Variants in FSIP2 observed in about 807,000 individuals in gnomAD.
FSIP2 encodes the protein fibrous sheath-interacting protein 2.
In FSIP2, 367 loss-of-function variants were observed where a neutral mutation model predicts 510.5. The observed-to-expected ratio is 0.72, with a 90% confidence interval of 0.66 to 0.78. The LOEUF (loss-of-function observed/expected upper bound fraction) is 0.78, where lower values mean the gene tolerates loss of function less well. FSIP2 is among the 30% of genes least tolerant of loss of function. The probability of loss-of-function intolerance (pLI) is 0.00; values close to 1 mark genes in which losing one functional copy is unlikely to be tolerated. For missense variants in FSIP2, 7,594 were observed against 7,901.7 expected (o/e 0.96, Z 1.48); for synonymous variants, 2,601 against 2,732.2 (o/e 0.95, Z 1.50).
rs2105650128 is a variant in FSIP2, at chr2:185,805,893, T to G, written c.16587T>G (p.Thr5529=). The G allele has an allele frequency of 6.2e-7, 1 of 1,607,520 alleles. No individual in the cohort carries two copies. The highest frequency in any genetic ancestry group is 2.2e-5 in the East Asian group (1 of 44,752). ...ATGAAAATAAAGTGGGAATTTGTAC[T>G]CAAAAACATAGTGAGAATGTATCAA... ...EVDENKVGIC[T]QKHSENVSKV... The change falls in exon 17 of 23, where the codon ACT becomes ACG. Residue 5529 remains threonine, a synonymous_variant. Coordinates refer to ENST00000424728, the MANE Select transcript of FSIP2 (RefSeq NM_173651.4).
intron 13 of FSIP2, 79 bp downstream of exon 13, chr2:185,764,644 C>T (rs1692426756): frequency 2.0e-6 from 2 of 1,022,896 alleles, no homozygotes; most frequent in Non-Finnish European, 1.4e-6. Flanking sequence ...GTTTTTGCTT[C>T]ATGTTAGATA....
chr2:185,749,924 T>C (rs1388528851), intron 7 of FSIP2, among the ~76,000 whole-genome samples: 3 of 151,898 alleles, frequency 2.0e-5, no homozygotes, highest in Non-Finnish European at 2.9e-5. Context: ...TGAATTCATA[T>C]GTAGGTTTTC....
In FSIP2 at chr2:185,789,429, A is replaced by G; in HGVS notation, c.2293A>G (p.Lys765Glu). The G allele has an allele frequency of 6.5e-7, 1 of 1,534,884 alleles. No individual in the cohort carries two copies. The highest frequency in any genetic ancestry group is 8.7e-7 in the Non-Finnish European group (1 of 1,145,920). ...ASEIVENMLE[K>E]LESAVEKKCV... is the part of the protein sequence containing the mutation. ...TGAGATTGTGGAAAATATGCTTGAG[A>G]AGTTAGAGTCTGCAGTTGAGAAAAA... Residue 765 changes from lysine (K) to glutamate (E), a missense_variant, in exon 16 of 23, where the codon AAG becomes GAG. Coordinates refer to ENST00000424728, the MANE Select transcript of FSIP2 (RefSeq NM_173651.4).
intron 13 of FSIP2, among the ~76,000 whole-genome samples, chr2:185,778,408 A>G (rs1460969372): frequency 6.6e-6 from 1 of 152,082 alleles, no homozygotes; most frequent in Non-Finnish European, 1.5e-5. Context: ...ATATGTATGA[A>G]AATATAAAAT....
At chr2:185,776,935 G>A (rs1692737611) in intron 13 of FSIP2, among the ~76,000 whole-genome samples, 1 of 152,042 alleles carries the variant, frequency 6.6e-6, no homozygotes, top group Non-Finnish European at 1.5e-5. Flanking sequence ...TGTTGGTCAG[G>A]CTGGTCTCGG....
chr2:185,805,364 A>G lies in FSIP2; in HGVS notation c.16058A>G (p.Asn5353Ser), dbSNP rs1693540365. The G allele has an allele frequency of 1.9e-6, 3 of 1,596,972 alleles. No homozygotes were observed. The highest frequency in any genetic ancestry group is 2.2e-5 in the East Asian group (1 of 44,692). The change falls in exon 17 of 23, where the codon AAT becomes AGT. Residue 5353 changes from asparagine (N) to serine (S), a missense_variant. Asn to Ser is a conservative substitution (Grantham distance 46, BLOSUM62 1). Transcript: ENST00000424728. Reference sequence around the variant, plus strand: ...AAAGAGACAGTTGATAAAATATCCAATTTTGTATATGAACAGTTCATAGAA... The same window carrying G: ...AAAGAGACAGTTGATAAAATATCCAGTTTTGTATATGAACAGTTCATAGAA... ...IDKETVDKIS[N>S]FVYEQFIEKC... is the part of the protein sequence containing the mutation.
intron 7 of FSIP2, among the ~76,000 whole-genome samples, chr2:185,749,356 C>T (rs4667052): frequency 0.13 from 19,701 of 151,822 alleles, 1,703 homozygotes; most frequent in East Asian, 0.37. Flanking sequence ...GTGTACTGTT[C>T]TTATATATCT....
chr2:185,811,769 G>A lies in FSIP2; in HGVS notation c.19828-1776G>A, dbSNP rs945670255. ...GAATAACATTCCTCACATTCCCACC[G>A]CAACTTTTCTAGCTGTGGCTCAAAG... On this transcript the variant is annotated intron_variant, in intron 17 of 22. Coordinates refer to ENST00000424728, the MANE Select transcript of FSIP2 (RefSeq NM_173651.4). 2.0e-5 allele frequency among the ~76,000 whole-genome samples: 3 copies of A among 152,020 alleles called. No homozygotes were observed. The South Asian group carries it at 6.2e-4, about 31-fold the overall frequency.
chr2:185,753,761 C>CA lies in FSIP2; in HGVS notation c.916dup (p.Met306AsnfsTer7), dbSNP rs752330015. The CA allele has an allele frequency of 2.9e-6, 4 of 1,398,740 alleles. No homozygotes were observed. Among genetic ancestry groups the CA allele is most frequent in the South Asian group, 2.7e-5 (2 of 73,698 alleles). 86.6% of individuals were successfully genotyped at this position (1,398,740 alleles called of 1,614,324 possible). Reference sequence around the variant, plus strand: ...AGAGAAAAAAATGGCTTATCATTTACAAAAAATGCAAGATACTGGCTTTAA... The same window carrying CA: ...AGAGAAAAAAATGGCTTATCATTTACAAAAAAATGCAAGATACTGGCTTTAA... On this transcript the variant is annotated frameshift_variant, in exon 8 of 23. Transcript: ENST00000424728. LOFTEE classifies it high-confidence loss of function.
At chr2:185,833,020 C>T in intron 22 of FSIP2, 70 bp from the exon 23 acceptor site, 1 of 1,421,070 alleles carries the variant, frequency 7.0e-7, no homozygotes. Context: ...CTCATATGAC[C>T]TTAGGCAAGG....
chr2:185,831,936 T>G, intron 22 of FSIP2, 54 bp downstream of exon 22: 1 of 1,094,966 alleles, frequency 9.1e-7, no homozygotes, highest in South Asian at 1.3e-5. Context: ...AATTGCATCA[T>G]TTTGAATTTA....
At chr2:185,777,735 C>A (rs1692758131) in intron 13 of FSIP2, among the ~76,000 whole-genome samples, 1 of 151,988 alleles carries the variant, frequency 6.6e-6, no homozygotes, top group African/African-American at 2.4e-5. Flanking sequence ...TCTTCTTATA[C>A]ATGTGTAGAT....
intron 19 of FSIP2, among the ~76,000 whole-genome samples, chr2:185,822,685 T>G (rs1693946139): frequency 6.6e-6 from 1 of 151,868 alleles, no homozygotes; most frequent in Non-Finnish European, 1.5e-5. Context: ...ACCAATAATT[T>G]TTTTTTGCAG....
chr2:185,758,824 ATC>A, intron 9 of FSIP2, among the ~76,000 whole-genome samples: 1 of 151,362 alleles, frequency 6.6e-6, no homozygotes, highest in Non-Finnish European at 1.5e-5. Context: ...TGATGTATTT[ATC>A]TGTCTTTATG....
rs75663807 is a variant in FSIP2, at chr2:185,779,824, C to T, written c.1412-2881C>T. 2.3e-3 allele frequency among the ~76,000 whole-genome samples: 346 copies of T among 151,850 alleles called. 2 individuals are homozygous for T. The highest frequency in any genetic ancestry group is 0.02 in the East Asian group (102 of 5,160). On this transcript the variant is annotated intron_variant, in intron 13 of 22. Transcript: ENST00000424728. ...ATTCTTTAGAAAGGTCTTTAGTGAACGTATTTTGGGAGTAAATTCTCAGAT... is the reference window on the plus strand; with the variant it reads ...ATTCTTTAGAAAGGTCTTTAGTGAATGTATTTTGGGAGTAAATTCTCAGAT...
chr2:185,741,538 G>T (rs1022522073), intron 2 of FSIP2, among the ~76,000 whole-genome samples: 1 of 152,138 alleles, frequency 6.6e-6, no homozygotes, highest in African/African-American at 2.4e-5. Flanking sequence ...ACAGCTAAAT[G>T]TCAACATCTG....
chr2:185,801,370 C>G lies in FSIP2; in HGVS notation c.12064C>G (p.Gln4022Glu). 3 of 1,534,002 alleles carry G rather than the reference C, an allele frequency of 2.0e-6. No individual in the cohort carries two copies. Among genetic ancestry groups the G allele is most frequent in the Non-Finnish European group, 2.6e-6 (3 of 1,145,554 alleles). ...NNVVNEFNNA[Q>E]VTVLRNAEER... is the part of the protein sequence containing the mutation. The stretch of plus-strand genomic sequence containing the variant: ...TGTAGTGAATGAATTTAATAATGCT[C>G]AAGTCACTGTTCTACGGAATGCTGA... The change falls in exon 17 of 23, where the codon CAA (glutamine) becomes GAA (glutamate). Residue 4022 changes from glutamine to glutamate, a missense_variant. Gln to Glu is a conservative substitution (Grantham distance 29, BLOSUM62 2). Coordinates refer to ENST00000424728, the MANE Select transcript of FSIP2 (RefSeq NM_173651.4).
At chr2:185,782,892 C>G (rs1024297499) in intron 14 of FSIP2, 130 bp downstream of exon 14, 1 of 628,016 alleles carries the variant, frequency 1.6e-6, no homozygotes, top group Admixed American at 2.6e-5. Flanking sequence ...GAAACTTAGT[C>G]TTTTGCAGAC....
In FSIP2 at chr2:185,808,756, G is replaced by T; in HGVS notation, c.19450G>T (p.Asp6484Tyr). Reference sequence around the variant, plus strand: ...AAATGCTGATCTCTCTGGAGAGCTAGACGTTAATAGAATTGTTCAAAAGGC... The same window carrying T: ...AAATGCTGATCTCTCTGGAGAGCTATACGTTAATAGAATTGTTCAAAAGGC... ...ISNADLSGEL[D>Y]VNRIVQKAQE... is the part of the protein sequence containing the mutation. Residue 6484 changes from aspartate (D) to tyrosine (Y), a missense_variant, in exon 17 of 23, where the codon GAC becomes TAC. Asp to Tyr is a radical substitution (Grantham distance 160). Transcript: ENST00000424728. The T allele has an allele frequency of 6.2e-7, 1 of 1,612,656 alleles. No homozygotes were observed. Among genetic ancestry groups the T allele is most frequent in the Non-Finnish European group, 8.5e-7 (1 of 1,179,394 alleles).
Sources: allele counts gnomAD v4.1 joint callset (sites outside exome capture counted in the v4.1 genomes callset), GRCh38; gene constraint gnomAD v4.1.1; transcripts MANE v1.5; gene names NCBI Gene and HGNC (gene_info 2026-07-23, HGNC 2026-07-21).